The following SOX6 variants were observed in gnomAD, a reference collection of about 807,000 sequenced individuals.
SOX6 encodes the protein SRY-box transcription factor 6, also known as transcription factor SOX-6.
In SOX6, 11 loss-of-function variants were observed where a neutral mutation model predicts 97.8. That is an observed-to-expected ratio of 0.11 (90% confidence interval 0.07 to 0.19). The LOEUF is 0.19. Ranked by LOEUF, SOX6 falls within the 10% of genes least tolerant of loss-of-function variation. SOX6 has a pLI of 1.00. For missense variants in SOX6, 810 were observed against 1,039.5 expected (o/e 0.78, Z 3.04); for synonymous variants, 360 against 371.4 (o/e 0.97, Z 0.35).
At chr11:16,136,873 AG>A (rs1186998501) in intron 6 of SOX6, among the ~76,000 whole-genome samples, 2 of 152,184 alleles carry the variant, frequency 1.3e-5, no homozygotes, top group Non-Finnish European at 2.9e-5. Context: ...TAGTCTCTCC[AG>A]ACCATAAACC....
At chr11:16,685,839 C>A (rs568763266) in intron 3 of SOX6, among the ~76,000 whole-genome samples, 1 of 152,270 alleles carries the variant, frequency 6.6e-6, no homozygotes, top group Non-Finnish European at 1.5e-5. Flanking sequence ...TCTGCCTGGG[C>A]ACCTAAGCTT....
chr11:16,263,731 T>G (rs1183597249), intron 3 of SOX6, among the ~76,000 whole-genome samples: 1 of 129,486 alleles, frequency 7.7e-6, no homozygotes, highest in Non-Finnish European at 1.7e-5. Context: ...ATTTTGCATA[T>G]AAAAACTCAT....
At chr11:15,991,419 T>C (rs1328186904) in intron 13 of SOX6, among the ~76,000 whole-genome samples, 1 of 152,204 alleles carries the variant, frequency 6.6e-6, no homozygotes, top group Non-Finnish European at 1.5e-5. Context: ...GAAACACTCA[T>C]TCAGATACGA....
At chr11:16,022,875 T>G (rs1855108945) in intron 12 of SOX6, among the ~76,000 whole-genome samples, 1 of 152,196 alleles carries the variant, frequency 6.6e-6, no homozygotes, top group Admixed American at 6.5e-5. Context: ...ATTATGCATG[T>G]CTTTTTATGA....
chr11:16,335,436 G>T (rs1311479094), intron 2 of SOX6, among the ~76,000 whole-genome samples: 1 of 152,148 alleles, frequency 6.6e-6, no homozygotes, highest in Non-Finnish European at 1.5e-5. Context: ...TACCTTAGGA[G>T]TTATGACTAT....
At chr11:15,975,099 G>A (rs1825436912) in intron 15 of SOX6, among the ~76,000 whole-genome samples, 1 of 152,150 alleles carries the variant, frequency 6.6e-6, no homozygotes, top group East Asian at 1.9e-4. Flanking sequence ...TTGACACTAA[G>A]CACTTGACAT....
intron 2 of SOX6, among the ~76,000 whole-genome samples, chr11:16,322,167 T>A (rs1484373743): frequency 6.6e-6 from 1 of 152,160 alleles, no homozygotes. Context: ...ATATCTGATA[T>A]GGCTTAGATT....
chr11:16,335,898 C>T (rs1314023368), intron 2 of SOX6, among the ~76,000 whole-genome samples: 2 of 152,288 alleles, frequency 1.3e-5, no homozygotes, highest in African/African-American at 4.8e-5. Flanking sequence ...AATATCTCAG[C>T]ATGCCTACCA....
intron 3 of SOX6, chr11:16,646,006 G>C (rs763614868): frequency 6.6e-6 from 1 of 152,146 alleles, no homozygotes; most frequent in Non-Finnish European, 1.5e-5. Flanking sequence ...TGTTGGCTGT[G>C]ACTCTGTTGG....
At chr11:16,574,706 A>C (rs923185671) in intron 4 of SOX6, among the ~76,000 whole-genome samples, 4 of 152,180 alleles carry the variant, frequency 2.6e-5, no homozygotes, top group Non-Finnish European at 5.9e-5. Context: ...TGTAAACAAC[A>C]GTTCATATAC....
At chr11:16,583,618 T>TATATATATATATACACACACACACACAC (rs1565186408) in intron 4 of SOX6, among the ~76,000 whole-genome samples, 2 of 126,014 alleles carry the variant, frequency 1.6e-5, no homozygotes, top group African/African-American at 5.9e-5. Context: ...TATATACATA[T>TATATATATATATACACACACACACACAC]ATATATATAT....
intron 4 of SOX6, among the ~76,000 whole-genome samples, chr11:16,560,028 C>T (rs1847791173): frequency 1.3e-5 from 2 of 152,162 alleles, no homozygotes; most frequent in South Asian, 2.1e-4. Context: ...ATAGTTAGCA[C>T]ATTTTGATGC....
chr11:16,542,967 T>C (rs1861430283), intron 4 of SOX6, among the ~76,000 whole-genome samples: 1 of 152,024 alleles, frequency 6.6e-6, no homozygotes, highest in African/African-American at 2.4e-5. Flanking sequence ...TCTGAAAAAC[T>C]ATGGTACTTT....
At chr11:16,124,262 T>G (rs191277792) in intron 6 of SOX6, among the ~76,000 whole-genome samples, 13 of 152,212 alleles carry the variant, frequency 8.5e-5, no homozygotes, top group Admixed American at 2.0e-4. Flanking sequence ...GAAGACAATA[T>G]TCCCTACCAT....
intron 4 of SOX6, among the ~76,000 whole-genome samples, chr11:16,569,612 T>C (rs529258223): frequency 8.9e-4 from 136 of 152,234 alleles, no homozygotes; most frequent in Non-Finnish European, 1.9e-3. Flanking sequence ...TATAGCAATG[T>C]ACCACCTTGC....
At chr11:16,177,883 G>A (rs1036197609) in intron 6 of SOX6, among the ~76,000 whole-genome samples, 9 of 151,890 alleles carry the variant, frequency 5.9e-5, no homozygotes, top group South Asian at 2.1e-4. Context: ...CTTTAATTCC[G>A]GAAAGAAGCA....
Position 16,362,868 on chromosome 11 carries a change from C to A in SOX6, c.-4-21616G>T, listed in dbSNP as rs1033337881. Among the ~76,000 whole-genome samples, 5 of 152,256 alleles carry A rather than the reference C, an allele frequency of 3.3e-5. No homozygotes were observed. In the East Asian group the frequency reaches 9.7e-4, roughly 29 times the overall value. On this transcript the variant is annotated intron_variant, in intron 1 of 15. Coordinates refer to the SOX6 transcript ENST00000396356. ...GAATGACAAGTCAGACACTTCATTG[C>A]AGAGGCAGCCACTGTGAAAATGGCC...
At chr11:16,447,831 G>C (rs1184118857) in intron 1 of SOX6, among the ~76,000 whole-genome samples, 4 of 152,288 alleles carry the variant, frequency 2.6e-5, no homozygotes, top group Middle Eastern at 3.4e-3. Context: ...GTACAAGACA[G>C]TGATAGCATA....
intron 13 of SOX6, among the ~76,000 whole-genome samples, chr11:16,007,040 G>T (rs1210382460): frequency 6.7e-6 from 1 of 148,888 alleles, no homozygotes; most frequent in African/African-American, 2.5e-5. Context: ...TAGACAAGCA[G>T]AACCAAACAA....
Sources: allele counts gnomAD v4.1 joint callset (sites outside exome capture counted in the v4.1 genomes callset), GRCh38; gene constraint gnomAD v4.1.1; transcripts MANE v1.5; gene names NCBI Gene and HGNC (gene_info 2026-07-23, HGNC 2026-07-21).